The following WDR59 variants were observed in gnomAD, a reference collection of about 807,000 sequenced individuals.
The protein encoded by WDR59 is GATOR2 complex protein WDR59.
A neutral mutation model predicts 131.2 loss-of-function variants in WDR59; 100 were observed. The observed-to-expected ratio is 0.76, with a 90% confidence interval of 0.65 to 0.90. The LOEUF is 0.90. WDR59 is among the 40% of genes least tolerant of loss of function. WDR59 has a pLI of 0.00. For missense variants in WDR59, 1,203 were observed against 1,262.2 expected (o/e 0.95, Z 0.71); for synonymous variants, 601 against 466.2 (o/e 1.29, Z -3.72).
intron 18 of WDR59, among the ~76,000 whole-genome samples, chr16:74,895,186 A>G (rs1030956533): frequency 2.0e-5 from 3 of 152,200 alleles, no homozygotes; most frequent in African/African-American, 7.2e-5. Flanking sequence ...GTTTAGCTGA[A>G]GTATCTGTGA....
intron 1 of WDR59, among the ~76,000 whole-genome samples, chr16:74,982,636 G>A (rs2034472504): frequency 6.6e-6 from 1 of 152,160 alleles, no homozygotes; most frequent in South Asian, 2.1e-4. Context: ...TGTCCTAGTT[G>A]CCAGTAAAAG....
intron 21 of WDR59, 96 bp from the exon 22 acceptor site, chr16:74,888,415 A>G: frequency 7.7e-7 from 1 of 1,303,658 alleles, no homozygotes; most frequent in Non-Finnish European, 1.0e-6. Flanking sequence ...CAGGGGTGGG[A>G]AGGGAGGAGT....
intron 8 of WDR59, among the ~76,000 whole-genome samples, chr16:74,929,615 G>A (rs541847954): frequency 5.9e-5 from 9 of 152,302 alleles, no homozygotes; most frequent in Admixed American, 5.2e-4. Flanking sequence ...ATGGAGAACA[G>A]TATGGTGATT....
intron 10 of WDR59, among the ~76,000 whole-genome samples, chr16:74,919,419 C>T (rs1428107895): frequency 4.6e-5 from 7 of 152,016 alleles, no homozygotes; most frequent in African/African-American, 1.4e-4. Flanking sequence ...CAACAACCTG[C>T]ACCTCCTGGT....
intron 1 of WDR59, among the ~76,000 whole-genome samples, chr16:74,971,156 G>C (rs1269021411): frequency 6.6e-6 from 1 of 151,944 alleles, no homozygotes; most frequent in Non-Finnish European, 1.5e-5. Context: ...AATATTTTTG[G>C]TGGTTTCTCT....
In WDR59 at chr16:74,914,404, T is replaced by C. The variant is rs77092173; in HGVS notation, c.1224+1466A>G. Reference sequence around the variant, plus strand: ...TTAAGCAAAGAATCCTTTATATCTTTTCATTTCTTGTGTTGCCAACTAGAG... The same window carrying C: ...TTAAGCAAAGAATCCTTTATATCTTCTCATTTCTTGTGTTGCCAACTAGAG... On this transcript the variant is annotated intron_variant, in intron 13 of 25. Coordinates refer to ENST00000262144, the MANE Select transcript of WDR59 (RefSeq NM_030581.4). Among the ~76,000 whole-genome samples the C allele has an allele frequency of 1.6e-3, 237 of 152,280 alleles. 1 individual carries two copies. The highest frequency in any genetic ancestry group is 5.4e-3 in the African/African-American group (225 of 41,550).
At chr16:74,913,434 TTTG>T (rs369822780) in intron 13 of WDR59, among the ~76,000 whole-genome samples, 5 of 151,888 alleles carry the variant, frequency 3.3e-5, no homozygotes, top group Admixed American at 1.3e-4. Flanking sequence ...AAATCTTTGT[TTTG>T]TTGTTGTTGT....
intron 8 of WDR59, among the ~76,000 whole-genome samples, chr16:74,927,587 C>CAAAAA (rs370386044): frequency 1.7e-5 from 1 of 57,952 alleles, no homozygotes; most frequent in Non-Finnish European, 2.8e-5. Flanking sequence ...GACTCCATCT[C>CAAAAA]AAAAAAAAAA....
At chr16:74,943,629 T>G (rs191554299) in intron 6 of WDR59, among the ~76,000 whole-genome samples, 1 of 152,260 alleles carries the variant, frequency 6.6e-6, no homozygotes, top group African/African-American at 2.4e-5. Flanking sequence ...AAACCAGAAC[T>G]GAAGTGACAG....
intron 3 of WDR59, among the ~76,000 whole-genome samples, chr16:74,952,767 T>TTATATA (rs138680098): frequency 8.7e-4 from 129 of 147,636 alleles, no homozygotes; most frequent in Middle Eastern, 3.5e-3. Context: ...ATTTTTTAAA[T>TTATATA]TATATATATA....
At chr16:74,906,490 A>G (rs961871769) in intron 17 of WDR59, among the ~76,000 whole-genome samples, 7 of 151,974 alleles carry the variant, frequency 4.6e-5, no homozygotes, top group Non-Finnish European at 1.0e-4. Flanking sequence ...CAGTTTCTCA[A>G]GTTAAAAATA....
intron 24 of WDR59, 181 bp from the exon 25 acceptor site, chr16:74,885,976 A>G: frequency 1.3e-6 from 1 of 755,370 alleles, no homozygotes; most frequent in Non-Finnish European, 2.1e-6. Context: ...CAGGAGTTTG[A>G]GACCAGCCTG....
In WDR59 at chr16:74,948,552, T is replaced by C. The variant is rs1301823326; in HGVS notation, c.412A>G (p.Thr138Ala). Residue 138 changes from threonine to alanine, a missense_variant, in exon 6 of 26, where the codon ACA becomes GCA. By Grantham distance (58) the Thr-to-Ala change is moderately conservative (BLOSUM62 0). Transcript: ENST00000262144. ...TYIYIWDIKD[T>A]RKPTVALSAV... is the part of the protein sequence containing the mutation. ...GACAGTGCAACAGTAGGTTTCCTTG[T>C]GTCTCTGAAATATAAAAATAAAAAA... 3 of 1,613,268 alleles carry C rather than the reference T, an allele frequency of 1.9e-6. No individual in the cohort carries two copies. Among genetic ancestry groups the C allele is most frequent in the African/African-American group, 1.3e-5 (1 of 74,908 alleles).
chr16:74,952,461 A>G (rs2033060908), intron 3 of WDR59, among the ~76,000 whole-genome samples: 2 of 150,738 alleles, frequency 1.3e-5, no homozygotes, highest in African/African-American at 4.9e-5. Context: ...AAAAAAAAAA[A>G]AAAAAGAAAA....
chr16:74,972,062 T>G (rs1301764069), intron 1 of WDR59, among the ~76,000 whole-genome samples: 8 of 152,166 alleles, frequency 5.3e-5, no homozygotes, highest in African/African-American at 1.9e-4. Flanking sequence ...GAAAACAAAC[T>G]TATTGTCCAG....
chr16:74,890,718 G>C (rs753167044), intron 20 of WDR59, among the ~76,000 whole-genome samples: 1 of 152,126 alleles, frequency 6.6e-6, no homozygotes, highest in Non-Finnish European at 1.5e-5. Flanking sequence ...ATGGGGCCTG[G>C]AGCCATTGAG....
rs1298025153 is a variant in WDR59, at chr16:74,924,014, G to A, written c.652-11C>T. On this transcript the variant is annotated splice_polypyrimidine_tract_variant and intron_variant, in intron 8 of 25. Coordinates refer to ENST00000262144, the MANE Select transcript of WDR59 (RefSeq NM_030581.4). ...GCGGTAATCCCAGAACTAGAAGAGA[G>A]CAAGCAAGATCATTTGTGAAATAAA... The A allele has an allele frequency of 6.2e-7, 1 of 1,612,498 alleles. No homozygotes were observed. The highest frequency in any genetic ancestry group is 1.1e-5 in the South Asian group (1 of 90,360).
At chr16:74,957,940 A>G (rs1453871374) in intron 2 of WDR59, among the ~76,000 whole-genome samples, 1 of 152,236 alleles carries the variant, frequency 6.6e-6, no homozygotes, top group Non-Finnish European at 1.5e-5. Flanking sequence ...AATTTCCAGG[A>G]CTTCTAAGAA....
At chr16:74,880,333 G>C (rs1034329792) in intron 25 of WDR59, among the ~76,000 whole-genome samples, 15 of 152,088 alleles carry the variant, frequency 9.9e-5, no homozygotes, top group African/African-American at 3.6e-4. Context: ...TGTAGTCCCA[G>C]TTACTCGGGA....
Sources: gnomAD v4.1 joint callset for allele counts (sites outside exome capture counted in the v4.1 genomes callset) on GRCh38, gnomAD v4.1.1 for gene constraint, MANE v1.5 for transcripts, NCBI Gene and HGNC (gene_info 2026-07-23, HGNC 2026-07-21) for gene names.